CHD1: variants seen among roughly 807,000 people sequenced by gnomAD.
CHD1 encodes the protein chromodomain helicase DNA binding protein 1, also known as ATP-dependent chromatin remodeler CHD1.
Under a neutral mutation model 224.2 loss-of-function variants are expected in CHD1, and 36 were observed. That is an observed-to-expected ratio of 0.16 (90% CI 0.12 to 0.21). The LOEUF (loss-of-function observed/expected upper bound fraction) is 0.21. Among genes scored for constraint, CHD1 ranks in the 10% least tolerant of loss-of-function variants. The pLI is 1.00. For missense variants in CHD1, 1,378 were observed against 1,994.8 expected, an observed-to-expected ratio of 0.69 and a Z score of 5.89; for synonymous variants, 668 against 658.3, an observed-to-expected ratio of 1.01 and a Z score of -0.23.
chr5:98,904,557 A>C (rs949165944), intron 3 of CHD1, among the ~76,000 whole-genome samples: 2 of 152,246 alleles, frequency 1.3e-5, no homozygotes, highest in East Asian at 1.9e-4. Flanking sequence ...AGTAGAGATC[A>C]TAACACGGTA....
intron 28 of CHD1, among the ~76,000 whole-genome samples, chr5:98,871,301 A>AAT (rs932099240): frequency 1.3e-5 from 2 of 148,844 alleles, no homozygotes. Context: ...ACAAAGCACC[A>AAT]ATATCTAAAG....
At chr5:98,873,529 C>T in intron 26 of CHD1, 64 bp downstream of exon 26, 1 of 1,275,690 alleles carries the variant, frequency 7.8e-7, no homozygotes, top group Non-Finnish European at 1.1e-6. Context: ...ATATCTAGCT[C>T]AATAAAGCAT....
chr5:98,908,189 T>C (rs1321262083), intron 2 of CHD1, among the ~76,000 whole-genome samples: 2 of 152,178 alleles, frequency 1.3e-5, no homozygotes, highest in African/African-American at 4.8e-5. Context: ...GCAAGCTACA[T>C]GTAATTCTCT....
intron 31 of CHD1, among the ~76,000 whole-genome samples, chr5:98,866,517 G>A (rs531170107): frequency 6.6e-6 from 1 of 152,212 alleles, no homozygotes; most frequent in East Asian, 1.9e-4. Context: ...GACATAATGG[G>A]TTGAAAACAA....
intron 7 of CHD1, 145 bp from the exon 8 acceptor site, chr5:98,899,850 A>G (rs1215834015): frequency 1.2e-5 from 7 of 587,176 alleles, no homozygotes; most frequent in Non-Finnish European, 1.8e-5. Flanking sequence ...GGGAAATTCT[A>G]TTGCTCATAA....
At chr5:98,892,457 A>C in intron 15 of CHD1, 68 bp downstream of exon 15, 1 of 1,198,038 alleles carries the variant, frequency 8.3e-7, no homozygotes, top group Non-Finnish European at 1.2e-6. Flanking sequence ...GGGGCACCAA[A>C]AGCAGGACAC....
intron 7 of CHD1, 49 bp downstream of exon 7, chr5:98,900,762 G>A (rs1751650215): frequency 5.2e-6 from 8 of 1,537,150 alleles, no homozygotes; most frequent in Non-Finnish European, 6.2e-6. Context: ...CTCTACTCCT[G>A]TAAATATTAT....
chr5:98,894,695 A>G lies in CHD1; in HGVS notation c.1711-9T>C. On this transcript the variant is annotated splice_polypyrimidine_tract_variant and intron_variant, in intron 12 of 35. Coordinates refer to ENST00000614616, the MANE Select transcript of CHD1 (RefSeq NM_001270.4). ...CATTCATGAGTTCTTATCTATTAAG[A>G]AATTTGAAGGACAATTTTTAAGACA... 7.6e-7 allele frequency: 1 copy of G among 1,319,402 alleles called. No homozygotes were observed. The highest frequency in any genetic ancestry group is 1.1e-6 in the Non-Finnish European group (1 of 943,836). The allele number at this position is 1,319,402 out of a possible 1,614,324, so 81.7% of individuals were successfully genotyped here. A position where few individuals can be genotyped will look rare whatever the true frequency, so the allele number is the denominator to read the frequency against.
chr5:98,878,980 C>G (rs1749969336), intron 23 of CHD1, among the ~76,000 whole-genome samples: 1 of 152,094 alleles, frequency 6.6e-6, no homozygotes. Flanking sequence ...TGCTATAGTC[C>G]CAACATTTTG....
At chr5:98,909,246 T>C (rs1271879954) in intron 2 of CHD1, among the ~76,000 whole-genome samples, 1 of 152,200 alleles carries the variant, frequency 6.6e-6, no homozygotes, top group Non-Finnish European at 1.5e-5. Context: ...TTCCAGATTT[T>C]GCTAAGCGCA....
At chr5:98,858,484 G>A (rs1182559314) in intron 34 of CHD1, 94 bp from the exon 35 acceptor site, 26 of 984,396 alleles carry the variant, frequency 2.6e-5, no homozygotes, top group East Asian at 4.8e-5. Context: ...TTCAACCCTT[G>A]CCAAAACAAA....
chr5:98,865,298 A>C (rs1748777673), intron 31 of CHD1, among the ~76,000 whole-genome samples: 1 of 152,212 alleles, frequency 6.6e-6, no homozygotes, highest in Non-Finnish European at 1.5e-5. Flanking sequence ...GGAGGTGACT[A>C]GATGCTACGA....
intron 15 of CHD1, among the ~76,000 whole-genome samples, chr5:98,890,614 T>C (rs1750950984): frequency 1.3e-5 from 2 of 152,132 alleles, no homozygotes; most frequent in Non-Finnish European, 2.9e-5. Context: ...CTTTGACTTT[T>C]CTTTCTAAAT....
intron 25 of CHD1, 57 bp from the exon 26 acceptor site, chr5:98,873,780 A>C (rs1749541171): frequency 2.0e-6 from 3 of 1,511,392 alleles, no homozygotes; most frequent in Non-Finnish European, 2.7e-6. Context: ...GGTGCCATTT[A>C]AGATTAAGTT....
Position 98,926,324 on chromosome 5 carries a change from G to A in CHD1, c.53+10C>T. 1 of 1,486,680 alleles carries A rather than the reference G, an allele frequency of 6.7e-7. No individual in the cohort carries two copies. Among genetic ancestry groups the A allele is most frequent in the Non-Finnish European group, 9.1e-7 (1 of 1,100,124 alleles). 92.1% of individuals were successfully genotyped at this position (1,486,680 alleles called of 1,614,324 possible). Reference sequence around the variant, plus strand: ...CATAGTAAACAATTGATAACAAAGTGCTTACTTACCTTGATTCTCCACTAC... The same window carrying A: ...CATAGTAAACAATTGATAACAAAGTACTTACTTACCTTGATTCTCCACTAC... On this transcript the variant is annotated intron_variant, in intron 2 of 35. Coordinates refer to ENST00000614616, the MANE Select transcript of CHD1 (RefSeq NM_001270.4).
chr5:98,879,916 CTAA>C (rs1750043681), intron 22 of CHD1, among the ~76,000 whole-genome samples, 188 bp from the exon 23 acceptor site: 1 of 152,130 alleles, frequency 6.6e-6, no homozygotes, highest in Non-Finnish European at 1.5e-5. Context: ...CAAATGACAT[CTAA>C]TAATCCTCTA....
chr5:98,892,033 A>G (rs1751052594), intron 15 of CHD1, among the ~76,000 whole-genome samples: 1 of 152,214 alleles, frequency 6.6e-6, no homozygotes, highest in South Asian at 2.1e-4. Flanking sequence ...CTTTTATGCA[A>G]TTAAATGTTT....
intron 2 of CHD1, among the ~76,000 whole-genome samples, chr5:98,921,737 C>T (rs6866629): frequency 0.13 from 19,038 of 152,122 alleles, 1,888 homozygotes; most frequent in African/African-American, 0.28. Context: ...TTAATGTTTG[C>T]CCACACATTA....
At chr5:98,868,390 C>A in intron 31 of CHD1, 105 bp downstream of exon 31, 68 of 618,054 alleles carry the variant, frequency 1.1e-4, no homozygotes, top group East Asian at 2.0e-4. Context: ...TTTTATCAAT[C>A]TACAATAAAT....
Sources: gnomAD v4.1 joint callset for allele counts (sites outside exome capture counted in the v4.1 genomes callset) on GRCh38, gnomAD v4.1.1 for gene constraint, MANE v1.5 for transcripts, NCBI Gene and HGNC (gene_info 2026-07-23, HGNC 2026-07-21) for gene names.